Variants in SLC24A3 observed in about 807,000 individuals in gnomAD.
SLC24A3 encodes the protein sodium/potassium/calcium exchanger 3.
Under a neutral mutation model 75.8 loss-of-function variants are expected in SLC24A3, and 28 were observed. The observed-to-expected ratio is 0.37, with a 90% CI of 0.27 to 0.51. The LOEUF is 0.51. Among genes scored for constraint, SLC24A3 ranks in the 20% least tolerant of loss-of-function variants. SLC24A3 has a pLI of 0.94. For synonymous variants in SLC24A3, 372 were observed against 334.1 expected (o/e 1.11, Z -1.24); for missense variants, 663 against 847.8 (o/e 0.78, Z 2.71).
chr20:19,268,426 C>T (rs531942482), intron 1 of SLC24A3, among the ~76,000 whole-genome samples: 3 of 152,256 alleles, frequency 2.0e-5, no homozygotes, highest in Non-Finnish European at 4.4e-5. Flanking sequence ...GGGGACCCTA[C>T]CAGCTTTTGA....
chr20:19,237,035 C>A (rs1982188383), intron 1 of SLC24A3, among the ~76,000 whole-genome samples: 1 of 152,196 alleles, frequency 6.6e-6, no homozygotes, highest in South Asian at 2.1e-4. Context: ...ATGTGATATT[C>A]ATTACATTAT....
At chr20:19,680,726 G>A (rs530277245) in intron 9 of SLC24A3, among the ~76,000 whole-genome samples, 11 of 152,326 alleles carry the variant, frequency 7.2e-5, no homozygotes, top group South Asian at 2.1e-4. Flanking sequence ...GGACCTCTTC[G>A]TCTCTCTGAG....
chr20:19,253,264 TG>T (rs1189592742), intron 1 of SLC24A3, among the ~76,000 whole-genome samples: 2 of 152,320 alleles, frequency 1.3e-5, no homozygotes, highest in Non-Finnish European at 1.5e-5. Flanking sequence ...GGAGTGCAAA[TG>T]ACCTGCCACG....
At chr20:19,319,806 G>GGTATT (rs1255813582) in intron 2 of SLC24A3, among the ~76,000 whole-genome samples, 8 of 152,134 alleles carry the variant, frequency 5.3e-5, no homozygotes, top group Admixed American at 5.2e-4. Flanking sequence ...AGAGCATCTT[G>GGTATT]GTATTTTAAC....
chr20:19,265,322 G>C (rs1223447448), intron 1 of SLC24A3, among the ~76,000 whole-genome samples: 2 of 152,148 alleles, frequency 1.3e-5, no homozygotes, highest in Non-Finnish European at 2.9e-5. Context: ...AGGGCTCTTA[G>C]AGCTTTATTA....
At chr20:19,380,738 C>A (rs968930942) in intron 2 of SLC24A3, among the ~76,000 whole-genome samples, 4 of 152,144 alleles carry the variant, frequency 2.6e-5, no homozygotes, top group Non-Finnish European at 5.9e-5. Context: ...CATATGCCAG[C>A]AGCAATGGGC....
intron 3 of SLC24A3, among the ~76,000 whole-genome samples, chr20:19,547,595 C>T (rs2030622001): frequency 6.6e-6 from 1 of 152,234 alleles, no homozygotes; most frequent in East Asian, 1.9e-4. Context: ...TCACAGGTGA[C>T]TGCGTTCACT....
intron 2 of SLC24A3, among the ~76,000 whole-genome samples, chr20:19,513,676 G>A (rs1464150306): frequency 6.7e-6 from 1 of 150,002 alleles, no homozygotes; most frequent in African/African-American, 2.5e-5. Context: ...ATGTTTAAAG[G>A]ACCATACAAA....
chr20:19,394,926 C>T (rs117311962), intron 2 of SLC24A3, among the ~76,000 whole-genome samples: 188 of 152,326 alleles, frequency 1.2e-3, no homozygotes, highest in Admixed American at 2.4e-3. Flanking sequence ...CACATGTTCA[C>T]AGCAGCATTA....
In SLC24A3 at chr20:19,264,752, A is replaced by G. The variant is rs1983109923; in HGVS notation, c.143-16207A>G. Among the ~76,000 whole-genome samples the G allele has an allele frequency of 3.3e-5, 5 of 151,100 alleles. No homozygotes were observed. The South Asian group carries it at 8.4e-4, about 25-fold the overall frequency. On this transcript the variant is annotated intron_variant, in intron 1 of 16. Transcript: ENST00000328041. ...TCAAAAAAAAAAAAAAAAACAAAAC[A>G]AAAACGTGCAGCCTGGACTCTGGGG...
intron 6 of SLC24A3, among the ~76,000 whole-genome samples, chr20:19,648,028 C>A (rs1235253992): frequency 1.3e-5 from 2 of 152,170 alleles, no homozygotes; most frequent in Admixed American, 6.5e-5. Context: ...TTACATAGCC[C>A]AATTATTACT....
At position 19,412,630 on chromosome 20, in the gene SLC24A3, A is replaced by AG. The variant is rs796639171; in HGVS notation, c.272-102851dup. ...GAGGAGCAAGAGGAGGAGGAGGAGG[A>AG]GGGGGGGAGGAGGAGCACCTGAAGG... On this transcript the variant is annotated intron_variant, in intron 2 of 16. Coordinates refer to ENST00000328041, the MANE Select transcript of SLC24A3 (RefSeq NM_020689.4). Among the ~76,000 whole-genome samples the AG allele has an allele frequency of 3.4e-5, 5 of 147,260 alleles. No homozygotes were observed. In the East Asian group the frequency reaches 8.5e-4, roughly 25 times the overall value.
At chr20:19,465,147 T>C (rs1263948697) in intron 2 of SLC24A3, among the ~76,000 whole-genome samples, 2 of 152,170 alleles carry the variant, frequency 1.3e-5, no homozygotes, top group African/African-American at 2.4e-5. Flanking sequence ...GCAGAGAGCA[T>C]GAGAAGGAAA....
chr20:19,325,765 C>T (rs11473163), intron 2 of SLC24A3, among the ~76,000 whole-genome samples: 11,945 of 41,874 alleles, frequency 0.29, 995 homozygotes, highest in Middle Eastern at 0.36. Flanking sequence ...TACATACATA[C>T]ATATATATAT....
intron 2 of SLC24A3, among the ~76,000 whole-genome samples, chr20:19,515,252 G>A (rs1318171681): frequency 6.6e-6 from 1 of 152,194 alleles, no homozygotes; most frequent in East Asian, 1.9e-4. Context: ...GGTATGACGT[G>A]TTATGAAAAT....
chr20:19,273,508 C>T (rs1000140921), intron 1 of SLC24A3, among the ~76,000 whole-genome samples: 3 of 152,210 alleles, frequency 2.0e-5, no homozygotes, highest in African/African-American at 7.2e-5. Flanking sequence ...AACCTTGCAG[C>T]CCTCTGCCAG....
intron 2 of SLC24A3, among the ~76,000 whole-genome samples, chr20:19,299,441 T>TG (rs1198083047): frequency 8.5e-5 from 13 of 152,126 alleles, no homozygotes; most frequent in African/African-American, 3.1e-4. Context: ...TCCGTCCATG[T>TG]GTCAGACTTC....
chr20:19,711,224 C>G (rs1391008450), intron 15 of SLC24A3, among the ~76,000 whole-genome samples: 1 of 152,132 alleles, frequency 6.6e-6, no homozygotes, highest in Admixed American at 6.5e-5. Flanking sequence ...AACGCACACA[C>G]ACATGCAGAC....
chr20:19,339,858 G>A (rs1985227775), intron 2 of SLC24A3, among the ~76,000 whole-genome samples: 1 of 152,240 alleles, frequency 6.6e-6, no homozygotes, highest in Non-Finnish European at 1.5e-5. Context: ...GAGGAAGGCA[G>A]AGGAATTCTA....
Sources: gnomAD v4.1 joint callset for allele counts (sites outside exome capture counted in the v4.1 genomes callset) on GRCh38, gnomAD v4.1.1 for gene constraint, MANE v1.5 for transcripts, NCBI Gene and HGNC (gene_info 2026-07-23, HGNC 2026-07-21) for gene names.